PPM1K: variants seen among roughly 807,000 people sequenced by gnomAD.
The protein encoded by PPM1K is protein phosphatase Mn(2+)-dependent 1K.
A neutral mutation model predicts 32.6 loss-of-function variants in PPM1K; 19 were observed. The ratio of observed to expected loss-of-function variants is 0.58; its 90% CI spans 0.41 to 0.86. The LOEUF (loss-of-function observed/expected upper bound fraction) is 0.86. Among genes scored for constraint, PPM1K ranks in the 40% least tolerant of loss-of-function variants. The pLI, the probability that PPM1K is intolerant of heterozygous loss-of-function variation, is 0.00. For missense variants in PPM1K, 362 were observed against 461.2 expected, an observed-to-expected ratio of 0.78 and a Z score of 1.97; for synonymous variants, 159 against 165.3, an observed-to-expected ratio of 0.96 and a Z score of 0.29.
At position 88,262,440 on chromosome 4, in the gene PPM1K, A is replaced by C. The variant is rs532225464; in HGVS notation, c.*155T>G. The C allele has an allele frequency of 2.1e-5, 15 of 716,052 alleles. No homozygotes were observed. In the South Asian group the frequency reaches 2.7e-4, roughly 13 times the overall value. The allele number at this position is 716,052 out of a possible 1,614,324, so 44.4% of individuals were successfully genotyped here. A position where few individuals can be genotyped will look rare whatever the true frequency, so the allele number is the denominator to read the frequency against. ...TACTGAACATGTACAGCGGAACATA[A>C]ATATGATGAGCATTTATGAAAAAAC... is the stretch of plus-strand genomic sequence containing the variant. On this transcript the variant is annotated 3_prime_UTR_variant, in exon 7 of 7. Coordinates refer to ENST00000608933, the MANE Select transcript of PPM1K (RefSeq NM_152542.5).
chr4:88,273,439 G>A (rs1057012004), intron 3 of PPM1K, among the ~76,000 whole-genome samples: 1 of 152,194 alleles, frequency 6.6e-6, no homozygotes, highest in Non-Finnish European at 1.5e-5. Context: ...CCAGCACTTT[G>A]GGAGGCCAAG....
chr4:88,273,995 C>T (rs934018945), intron 3 of PPM1K, among the ~76,000 whole-genome samples: 12 of 152,204 alleles, frequency 7.9e-5, no homozygotes, highest in African/African-American at 2.7e-4. Context: ...CTGCACTTCA[C>T]CATGGACTAG....
Position 88,275,172 on chromosome 4 carries a change from T to C in PPM1K, c.541+1971A>G, listed in dbSNP as rs890992439. On this transcript the variant is annotated intron_variant, in intron 3 of 6. Coordinates refer to ENST00000608933, the MANE Select transcript of PPM1K (RefSeq NM_152542.5). ...AAATTAAATAATGCATTTTAATTTC[T>C]TTATTACAAATGAATTGATTTTAGT... 3 of 561,690 alleles carry C rather than the reference T, an allele frequency of 5.3e-6. No homozygotes were observed. The African/African-American group carries it at 6.1e-5, about 11-fold the overall frequency. The allele number at this position is 561,690 out of a possible 1,614,324, so 34.8% of individuals were successfully genotyped here.
chr4:88,266,649 G>C (rs1187343821), intron 5 of PPM1K, among the ~76,000 whole-genome samples: 1 of 150,142 alleles, frequency 6.7e-6, no homozygotes, highest in South Asian at 2.1e-4. Flanking sequence ...TTGGGTGCAG[G>C]TGATGCTGGC....
chr4:88,264,308 T>C (rs1384149874), intron 6 of PPM1K, among the ~76,000 whole-genome samples: 2 of 152,226 alleles, frequency 1.3e-5, no homozygotes, highest in Non-Finnish European at 2.9e-5. Context: ...ATACGAAGCA[T>C]AGTTTATGTT....
At chr4:88,283,401 G>A (rs1732096060) in intron 1 of PPM1K, among the ~76,000 whole-genome samples, 1 of 152,204 alleles carries the variant, frequency 6.6e-6, no homozygotes, top group South Asian at 2.1e-4. Context: ...CATTGCTACC[G>A]GTCTCATTGC....
chr4:88,283,133 G>C (rs1246102353), intron 1 of PPM1K, among the ~76,000 whole-genome samples: 2 of 152,114 alleles, frequency 1.3e-5, no homozygotes, highest in African/African-American at 4.8e-5. Context: ...TTTTCTTTCT[G>C]AGACAGGGTC....
At chr4:88,272,393 C>G (rs1284154022) in intron 3 of PPM1K, among the ~76,000 whole-genome samples, 1 of 152,162 alleles carries the variant, frequency 6.6e-6, no homozygotes, top group Non-Finnish European at 1.5e-5. Context: ...ATCAATGTCC[C>G]CCACTCTGAA....
chr4:88,275,479 A>G, intron 3 of PPM1K: 1 of 985,440 alleles, frequency 1.0e-6, no homozygotes, highest in Non-Finnish European at 1.2e-6. Context: ...GTCATATTTT[A>G]CATCAAGTCA....
At position 88,259,099 on chromosome 4, in the gene PPM1K, G is replaced by GA. The variant is rs571443888; in HGVS notation, c.*3495dup. The GA allele has an allele frequency of 7.7e-5, 10 of 130,082 alleles. No homozygotes were observed. The highest frequency in any genetic ancestry group is 2.3e-4 in the East Asian group (1 of 4,422). The allele number at this position is 130,082 out of a possible 1,614,324, so 8.1% of individuals were successfully genotyped here. A position where few individuals can be genotyped will look rare whatever the true frequency, so the allele number is the denominator to read the frequency against. ...GAGACTCCTTCTCAAAAAAAAAAAA[G>GA]AAAAAAAAATACAAAAATTAGCCAG... On this transcript the variant is annotated 3_prime_UTR_variant, in exon 7 of 7. Coordinates refer to ENST00000608933, the MANE Select transcript of PPM1K (RefSeq NM_152542.5).
chr4:88,268,410 C>T (rs1241256567), intron 4 of PPM1K, 76 bp from the exon 5 acceptor site: 1 of 1,527,284 alleles, frequency 6.5e-7, no homozygotes, highest in African/African-American at 1.4e-5. Context: ...ATCACGAGGT[C>T]AGGAGATCGA....
At position 88,275,646 on chromosome 4, in the gene PPM1K, A is replaced by C. The variant is rs891036342; in HGVS notation, c.541+1497T>G. 6.1e-6 allele frequency: 6 copies of C among 985,286 alleles called. No individual in the cohort carries two copies. The African/African-American group carries it at 1.0e-4, about 17-fold the overall frequency. 61.0% of individuals were successfully genotyped at this position (985,286 alleles called of 1,614,324 possible). On this transcript the variant is annotated intron_variant, in intron 3 of 6. Coordinates refer to ENST00000608933, the MANE Select transcript of PPM1K (RefSeq NM_152542.5). Reference sequence around the variant, plus strand: ...TGCCCAGTAAGCTGCAGCTATTTACAGAACAGCTGGGGCACACCACCGACA... The same window carrying C: ...TGCCCAGTAAGCTGCAGCTATTTACCGAACAGCTGGGGCACACCACCGACA...
At chr4:88,267,847 A>T (rs1195371006) in intron 5 of PPM1K, among the ~76,000 whole-genome samples, 10 of 152,226 alleles carry the variant, frequency 6.6e-5, no homozygotes, top group Admixed American at 6.5e-4. Flanking sequence ...CTTGGAAGAG[A>T]AATACTTTTA....
At chr4:88,268,030 A>G (rs957352818) in intron 5 of PPM1K, among the ~76,000 whole-genome samples, 160 bp downstream of exon 5, 7 of 152,228 alleles carry the variant, frequency 4.6e-5, no homozygotes, top group African/African-American at 1.7e-4. Context: ...CCAGAATAGT[A>G]GCATCTTATT....
At chr4:88,267,234 ATGATGCTGGCTGATTGGGTGTGGG>A (rs1387835133) in intron 5 of PPM1K, among the ~76,000 whole-genome samples, 5 of 55,900 alleles carry the variant, frequency 8.9e-5, no homozygotes, top group Admixed American at 2.0e-4. Flanking sequence ...TTGGGTGCAG[ATGATGCTGGCTGATTGGGTGTGGG>A]TGATGCTGGC....
intron 3 of PPM1K, among the ~76,000 whole-genome samples, chr4:88,270,627 T>A (rs901266225): frequency 2.0e-5 from 3 of 152,236 alleles, no homozygotes; most frequent in Admixed American, 6.5e-5. Context: ...GGGAATTTAA[T>A]ATTCCTTCCA....
rs963410996 is a variant in PPM1K, at chr4:88,261,070, TATAC to T, written c.*1521_*1524del. ...CCTTTAATTTTATATTACTCTAAAA[TATAC>T]ATATGTACACATACTCACACATATA... On this transcript the variant is annotated 3_prime_UTR_variant, in exon 7 of 7. Coordinates refer to ENST00000608933, the MANE Select transcript of PPM1K (RefSeq NM_152542.5). The T allele has an allele frequency of 1.3e-5, 2 of 152,214 alleles. No individual in the cohort carries two copies. The highest frequency in any genetic ancestry group is 4.8e-5 in the African/African-American group (2 of 41,448). The allele number at this position is 152,214 out of a possible 1,614,324, so 9.4% of individuals were successfully genotyped here.
At chr4:88,271,033 T>C (rs1191864018) in intron 3 of PPM1K, 4 of 514,700 alleles carry the variant, frequency 7.8e-6, no homozygotes, top group Non-Finnish European at 1.5e-5. Flanking sequence ...TCTCAACTAA[T>C]GGGACAAAGA....
chr4:88,280,963 C>CA (rs34641054), intron 1 of PPM1K, among the ~76,000 whole-genome samples: 1 of 152,094 alleles, frequency 6.6e-6, no homozygotes, highest in African/African-American at 2.4e-5. Context: ...ATTATGGATT[C>CA]AAGCCAGCAA....
Sources: allele counts gnomAD v4.1 joint callset (sites outside exome capture counted in the v4.1 genomes callset), GRCh38; gene constraint gnomAD v4.1.1; transcripts MANE v1.5; gene names NCBI Gene and HGNC (gene_info 2026-07-23, HGNC 2026-07-21).